CPT1A: variants seen among roughly 807,000 people sequenced by gnomAD.
The protein encoded by CPT1A is carnitine O-palmitoyltransferase 1, liver isoform.
CPT1A carries 64 observed loss-of-function variants against 100.8 expected under a neutral mutation model. The observed-to-expected ratio is 0.63, with a 90% CI of 0.52 to 0.78. The LOEUF (loss-of-function observed/expected upper bound fraction) is 0.78, where lower values mean the gene tolerates loss of function less well. Among genes scored for constraint, CPT1A ranks in the 30% least tolerant of loss-of-function variants. The pLI, the probability that CPT1A is intolerant of heterozygous loss-of-function variation, is 0.00. For missense variants in CPT1A, 802 were observed against 1,034.1 expected, an observed-to-expected ratio of 0.78 and a Z score of 3.08; for synonymous variants, 363 against 396.0, an observed-to-expected ratio of 0.92 and a Z score of 0.99.
intron 14 of CPT1A, among the ~76,000 whole-genome samples, chr11:68,767,607 T>A (rs780068422): frequency 6.6e-6 from 1 of 152,092 alleles, no homozygotes; most frequent in Non-Finnish European, 1.5e-5. Context: ...TATACACATA[T>A]ATATGCCTTA....
intron 1 of CPT1A, among the ~76,000 whole-genome samples, chr11:68,832,071 C>T (rs1856895225): frequency 6.6e-6 from 1 of 152,208 alleles, no homozygotes; most frequent in Non-Finnish European, 1.5e-5. Context: ...AGGGCTATCT[C>T]CATGTACTAA....
chr11:68,822,055 ACAGT>A (rs1253985498), intron 1 of CPT1A, among the ~76,000 whole-genome samples: 1 of 152,106 alleles, frequency 6.6e-6, no homozygotes, highest in Non-Finnish European at 1.5e-5. Context: ...ACGTTGGCAA[ACAGT>A]CTGTCCGTTC....
chr11:68,809,598 G>T (rs939758239), intron 3 of CPT1A, among the ~76,000 whole-genome samples: 30 of 152,132 alleles, frequency 2.0e-4, no homozygotes, highest in Admixed American at 5.2e-4. Flanking sequence ...CTCCCAAAGT[G>T]CTGGAATTAC....
chr11:68,815,686 C>T (rs537031256), intron 1 of CPT1A, among the ~76,000 whole-genome samples, 199 bp from the exon 2 acceptor site: 26 of 152,342 alleles, frequency 1.7e-4, no homozygotes, highest in East Asian at 1.5e-3. Flanking sequence ...ACAGTCGCCA[C>T]CTCTGCTTAG....
chr11:68,795,448 G>A (rs1271954347), intron 7 of CPT1A, among the ~76,000 whole-genome samples: 1 of 152,100 alleles, frequency 6.6e-6, no homozygotes, highest in African/African-American at 2.4e-5. Flanking sequence ...ATAAACAAAG[G>A]TCTCCTGGCG....
At chr11:68,812,344 G>T (rs11601427) in intron 3 of CPT1A, 93 bp downstream of exon 3, 1 of 1,519,056 alleles carries the variant, frequency 6.6e-7, no homozygotes, top group Non-Finnish European at 9.1e-7. Flanking sequence ...ATGGAATCCA[G>T]AACAGTGACA....
chr11:68,775,519 C>T, intron 12 of CPT1A, 87 bp from the exon 13 acceptor site: 1 of 1,072,434 alleles, frequency 9.3e-7, no homozygotes, highest in Non-Finnish European at 1.4e-6. Flanking sequence ...TTGTTCTTTG[C>T]AGAGATGTTA....
At chr11:68,792,945 G>T (rs541224821) in intron 9 of CPT1A, among the ~76,000 whole-genome samples, 2 of 152,316 alleles carry the variant, frequency 1.3e-5, no homozygotes, top group Non-Finnish European at 2.9e-5. Flanking sequence ...CTACTGGGGA[G>T]GCTAAGATGG....
At position 68,829,211 on chromosome 11, in the gene CPT1A, A is replaced by T. The variant is rs952480981; in HGVS notation, c.-14+12564T>A. 3.9e-5 allele frequency among the ~76,000 whole-genome samples: 6 copies of T among 152,110 alleles called. 1 individual carries two copies. The East Asian group carries it at 1.2e-3, about 29-fold the overall frequency. On this transcript the variant is annotated intron_variant, in intron 1 of 18. Transcript: ENST00000265641. ...TGAAGGTCCCCGGGCCGCGTGTCCCACCAGCAACACGTCTGCTCTACAGCC... is the reference window on the plus strand; with the variant it reads ...TGAAGGTCCCCGGGCCGCGTGTCCCTCCAGCAACACGTCTGCTCTACAGCC...
intron 12 of CPT1A, among the ~76,000 whole-genome samples, chr11:68,779,624 T>C (rs1855249308): frequency 6.6e-6 from 1 of 151,320 alleles, no homozygotes; most frequent in Non-Finnish European, 1.5e-5. Context: ...GGGGAAACCT[T>C]GTTTCTACAA....
intron 16 of CPT1A, 131 bp downstream of exon 16, chr11:68,761,404 C>T: frequency 2.0e-6 from 2 of 1,022,666 alleles, no homozygotes; most frequent in Non-Finnish European, 3.0e-6. Context: ...CATTTTATGA[C>T]AGCTACACCC....
intron 8 of CPT1A, 149 bp from the exon 9 acceptor site, chr11:68,793,551 C>T: frequency 1.7e-6 from 1 of 595,190 alleles, no homozygotes; most frequent in East Asian, 3.4e-5. Flanking sequence ...GGAGACCATC[C>T]TGGCTAACAC....
At position 68,780,571 on chromosome 11, in the gene CPT1A, A is replaced by C. The variant is rs1214226675; in HGVS notation, c.1458+69T>G. Reference sequence around the variant, plus strand: ...AGTGCTGGGATTACAGGTGTGCGCCACTGCGCCTGGCCAGGTTTGGATTTT... The same window carrying C: ...AGTGCTGGGATTACAGGTGTGCGCCCCTGCGCCTGGCCAGGTTTGGATTTT... On this transcript the variant is annotated intron_variant, in intron 12 of 18. Transcript: ENST00000265641. 7.9e-6 allele frequency: 11 copies of C among 1,387,318 alleles called. No homozygotes were observed. In the East Asian group the frequency reaches 2.5e-4, roughly 32 times the overall value. 85.9% of individuals were successfully genotyped at this position (1,387,318 alleles called of 1,614,324 possible). A position where few individuals can be genotyped will look rare whatever the true frequency, so the allele number is the denominator to read the frequency against.
chr11:68,774,781 C>CAAAAAAAAAAAAA (rs1169875761), intron 13 of CPT1A, among the ~76,000 whole-genome samples: 1 of 54,282 alleles, frequency 1.8e-5, no homozygotes, highest in Non-Finnish European at 3.8e-5. Flanking sequence ...GACTACATCT[C>CAAAAAAAAAAAAA]AAAAAAAAAA....
Position 68,761,615 on chromosome 11 carries a change from C to A in CPT1A, c.1948G>T (p.Gly650Cys). 6.2e-7 allele frequency: 1 copy of A among 1,614,080 alleles called. No individual in the cohort carries two copies. Among genetic ancestry groups the A allele is most frequent in the Non-Finnish European group, 8.5e-7 (1 of 1,180,016 alleles). Residue 650 changes from glycine (G) to cysteine (C), a missense_variant, in exon 16 of 19, where the codon GGC (glycine) becomes TGC (cysteine). Gly to Cys is a radical substitution (Grantham distance 159). Around this residue, in one of 4 missense-constraint regions of CPT1A, gnomAD observed 627 missense variants for 799.3 expected, o/e 0.78. Coordinates refer to ENST00000265641, the MANE Select transcript of CPT1A (RefSeq NM_001876.4). ...AAGAGGTGACGATCGATCCCAGAGC[C>A]GGTCATGGCGAGGCGATACATATGC... ...HQHMYRLAMT[G>C]SGIDRHLFCL...
At chr11:68,783,037 C>CGCATCTTCACCCGAGAT (rs1855357443) in intron 10 of CPT1A, among the ~76,000 whole-genome samples, 1 of 152,148 alleles carries the variant, frequency 6.6e-6, no homozygotes, top group African/African-American at 2.4e-5. Flanking sequence ...ATCGGATGAG[C>CGCATCTTCACCCGAGAT]GCATCTTCAC....
At chr11:68,759,144 A>G (rs983865182) in intron 18 of CPT1A, among the ~76,000 whole-genome samples, 2 of 151,824 alleles carry the variant, frequency 1.3e-5, no homozygotes, top group African/African-American at 4.8e-5. Flanking sequence ...CTGTAATCTC[A>G]GCACTTTGGG....
intron 1 of CPT1A, among the ~76,000 whole-genome samples, chr11:68,831,943 T>C (rs1323299586): frequency 6.6e-6 from 1 of 152,076 alleles, no homozygotes; most frequent in Non-Finnish European, 1.5e-5. Flanking sequence ...CAGAACATTC[T>C]TTTTACCAAA....
chr11:68,758,711 C>T (rs61633541), intron 18 of CPT1A, among the ~76,000 whole-genome samples: 27 of 151,672 alleles, frequency 1.8e-4, no homozygotes, highest in African/African-American at 6.3e-4. Context: ...CTCCACCTCC[C>T]GGGTTCAAGC....
Sources: allele counts gnomAD v4.1 joint callset (sites outside exome capture counted in the v4.1 genomes callset), GRCh38; gene constraint gnomAD v4.1.1; regional missense constraint gnomAD v4.1.1; transcripts MANE v1.5; gene names NCBI Gene and HGNC (gene_info 2026-07-23, HGNC 2026-07-21).